Variants in SRD5A2 observed in about 807,000 individuals in gnomAD.
The protein encoded by SRD5A2 is 3-oxo-5-alpha-steroid 4-dehydrogenase 2.
SRD5A2 carries 30 observed loss-of-function variants against 27.4 expected under a neutral mutation model. The ratio of observed to expected loss-of-function variants is 1.10; its 90% CI spans 0.82 to 1.49. The LOEUF (loss-of-function observed/expected upper bound fraction) is 1.49, where lower values mean the gene tolerates loss of function less well. SRD5A2 is among the 40% of genes most tolerant of loss of function. SRD5A2 has a pLI of 0.00. For missense variants in SRD5A2, 348 were observed against 323.4 expected, an observed-to-expected ratio of 1.08 and a Z score of -0.58; for synonymous variants, 141 against 133.6, an observed-to-expected ratio of 1.06 and a Z score of -0.38.
At chr2:31,621,688 G>A in the SRD5A2 span, among the ~76,000 whole-genome samples, 3 of 152,222 alleles carry the variant, frequency 2.0e-5, no homozygotes, top group South Asian at 4.1e-4. Context: ...CTAGAGTGCA[G>A]TGCCATGATC....
At position 31,533,775 on chromosome 2, in the gene SRD5A2, C is replaced by T. The variant is rs765499197; in HGVS notation, c.282-9G>A. ...GTGAGTACACAAATGTCCTGGGACA[C>T]ACAGGGAGGAAAGGTTAGGATTCAC... On this transcript the variant is annotated splice_polypyrimidine_tract_variant and intron_variant, in intron 1 of 4. Transcript: ENST00000622030. The T allele has an allele frequency of 1.3e-6, 2 of 1,599,620 alleles. No individual in the cohort carries two copies. The highest frequency in any genetic ancestry group is 4.5e-5 in the East Asian group (2 of 44,402).
At chr2:31,608,197 G>T in the SRD5A2 span, among the ~76,000 whole-genome samples, 1 of 151,864 alleles carries the variant, frequency 6.6e-6, no homozygotes, top group African/African-American at 2.4e-5. Context: ...ATATGTTGGT[G>T]TACCACATAT....
At chr2:31,576,552 C>T (rs1014108253) in intron 1 of SRD5A2, among the ~76,000 whole-genome samples, 1 of 57,550 alleles carries the variant, frequency 1.7e-5, no homozygotes, top group East Asian at 3.9e-4. Flanking sequence ...GTTGGTGGGA[C>T]TGTAAACTAG....
At chr2:31,579,243 T>C (rs966351289) in intron 1 of SRD5A2, among the ~76,000 whole-genome samples, 1 of 152,248 alleles carries the variant, frequency 6.6e-6, no homozygotes, top group Non-Finnish European at 1.5e-5. Context: ...TATTAAATCT[T>C]GACCAATAAA....
At chr2:31,651,092 A>G in the SRD5A2 span, among the ~76,000 whole-genome samples, 1 of 152,316 alleles carries the variant, frequency 6.6e-6, no homozygotes, top group South Asian at 2.1e-4. Context: ...ATTTCAGGGG[A>G]AAATTAACAG....
rs121434253 is a variant in SRD5A2, at chr2:31,529,414, C to A, written c.591G>T (p.Glu197Asp). ...TYVSGANFLG[E>D]IIEWIGYALA... Reference sequence around the variant, plus strand: ...GGGCATAGCCGATCCATTCAATGATCTCACCGAGGAAATTGGCTCCAGAAA... The same window carrying A: ...GGGCATAGCCGATCCATTCAATGATATCACCGAGGAAATTGGCTCCAGAAA... The change falls in exon 4 of 5, where the codon GAG becomes GAT. Residue 197 changes from glutamate (E) to aspartate (D), a missense_variant. Glu to Asp is a conservative substitution (Grantham distance 45, BLOSUM62 2). Transcript: ENST00000622030. 4 of 1,613,920 alleles carry A rather than the reference C, an allele frequency of 2.5e-6. No individual in the cohort carries two copies. The Admixed American group carries it at 6.7e-5, about 27-fold the overall frequency.
chr2:31,645,365 C>T, the SRD5A2 span, among the ~76,000 whole-genome samples: 3 of 152,136 alleles, frequency 2.0e-5, no homozygotes, highest in Non-Finnish European at 4.4e-5. Flanking sequence ...CCATGATGTG[C>T]TTATTTCACA....
chr2:31,567,810 C>A (rs1396477121), intron 1 of SRD5A2, among the ~76,000 whole-genome samples: 2 of 152,180 alleles, frequency 1.3e-5, no homozygotes, highest in Admixed American at 6.5e-5. Context: ...CCAGTAGTGC[C>A]TTCTGCCTGA....
intron 1 of SRD5A2, among the ~76,000 whole-genome samples, chr2:31,572,622 T>C (rs1474469324): frequency 2.0e-5 from 3 of 152,112 alleles, no homozygotes; most frequent in Non-Finnish European, 4.4e-5. Context: ...CACTAGAACT[T>C]AGATTTGTTT....
chr2:31,593,397 G>A, the SRD5A2 span, among the ~76,000 whole-genome samples: 1 of 151,972 alleles, frequency 6.6e-6, no homozygotes, highest in Non-Finnish European at 1.5e-5. Flanking sequence ...AAAATACACT[G>A]GAAAGGTTCA....
At chr2:31,619,991 A>G in the SRD5A2 span, among the ~76,000 whole-genome samples, 2 of 152,004 alleles carry the variant, frequency 1.3e-5, no homozygotes, top group Non-Finnish European at 2.9e-5. Flanking sequence ...TGCTTTTGGC[A>G]TCTTTGTCAT....
At chr2:31,566,078 A>AT (rs1431051442) in intron 1 of SRD5A2, among the ~76,000 whole-genome samples, 1 of 152,122 alleles carries the variant, frequency 6.6e-6, no homozygotes, top group African/African-American at 2.4e-5. Flanking sequence ...ATTCCTAAAC[A>AT]TTTGGAAACT....
At chr2:31,587,510 A>C in the SRD5A2 span, among the ~76,000 whole-genome samples, 1 of 152,338 alleles carries the variant, frequency 6.6e-6, no homozygotes, top group East Asian at 1.9e-4. Context: ...AATGCCCATC[A>C]ATGGTAGACT....
the SRD5A2 span, among the ~76,000 whole-genome samples, chr2:31,625,343 G>A: frequency 6.6e-6 from 1 of 152,146 alleles, no homozygotes; most frequent in Non-Finnish European, 1.5e-5. Context: ...TTCTTTTGCT[G>A]TGCAGAAGTT....
the SRD5A2 span, among the ~76,000 whole-genome samples, chr2:31,602,496 AC>A: frequency 1.3e-5 from 2 of 152,142 alleles, no homozygotes; most frequent in African/African-American, 4.8e-5. Context: ...AGTAATTTAT[AC>A]ATTCAATGCT....
the SRD5A2 span, among the ~76,000 whole-genome samples, chr2:31,650,650 A>G: frequency 6.6e-6 from 1 of 152,210 alleles, no homozygotes; most frequent in Non-Finnish European, 1.5e-5. Context: ...AGCCAAACAC[A>G]TGTTACATGC....
intron 1 of SRD5A2, among the ~76,000 whole-genome samples, chr2:31,540,673 T>C (rs1221874282): frequency 6.6e-6 from 1 of 152,228 alleles, no homozygotes; most frequent in African/African-American, 2.4e-5. Context: ...GGCTTGCAAC[T>C]TTCAGGGAAA....
chr2:31,590,654 G>C, the SRD5A2 span, among the ~76,000 whole-genome samples: 1 of 152,150 alleles, frequency 6.6e-6, no homozygotes, highest in African/African-American at 2.4e-5. Flanking sequence ...AAAGCTGGAG[G>C]CATCATGCTA....
chr2:31,542,795 C>G (rs1666155959), intron 1 of SRD5A2, among the ~76,000 whole-genome samples: 1 of 151,948 alleles, frequency 6.6e-6, no homozygotes, highest in Non-Finnish European at 1.5e-5. Flanking sequence ...CCCAAGAGAC[C>G]TGTGAGACAT....
Sources: gnomAD v4.1 joint callset for allele counts (sites outside exome capture counted in the v4.1 genomes callset) on GRCh38, gnomAD v4.1.1 for gene constraint, MANE v1.5 for transcripts, NCBI Gene and HGNC (gene_info 2026-07-23, HGNC 2026-07-21) for gene names.